DNAAF8: variants seen among roughly 807,000 people sequenced by gnomAD.
DNAAF8 encodes the protein dynein axonemal-associated protein 1.
A neutral mutation model predicts 54.6 loss-of-function variants in DNAAF8; 61 were observed. That is an observed-to-expected ratio of 1.12 (90% CI 0.91 to 1.38). The LOEUF (loss-of-function observed/expected upper bound fraction) is 1.38, where lower values mean the gene tolerates loss of function less well. DNAAF8 is among the 40% of genes most tolerant of loss of function. The pLI is 0.00. For missense variants in DNAAF8, 837 were observed against 665.0 expected (o/e 1.26, Z -2.85); for synonymous variants, 320 against 270.1 (o/e 1.18, Z -1.81).
chr16:4,747,440 G>A lies in DNAAF8; in HGVS notation c.1378G>A (p.Gly460Arg), dbSNP rs149468321. ...ELPASKGPAG[G>R]RAQAPEDTAG... ...GCCTGCCAGCAAGGGGCCCGCGGGT[G>A]GGAGGGCTCAGGCCCCTGAAGACAC... The change falls in exon 9 of 10, where the codon GGG (glycine) becomes AGG (arginine). Residue 460 changes from glycine (G) to arginine (R), a missense_variant. Transcript: ENST00000299320. The A allele has an allele frequency of 1.6e-4, 252 of 1,613,096 alleles. No individual in the cohort carries two copies. In the African/African-American group the frequency reaches 3.1e-3, roughly 20 times the overall value.
intron 7 of DNAAF8, 59 bp from the exon 8 acceptor site, chr16:4,746,868 C>G (rs930633421): frequency 8.4e-5 from 121 of 1,437,890 alleles, no homozygotes; most frequent in Non-Finnish European, 1.0e-4. Flanking sequence ...CAAGCCCCAA[C>G]AAGAGTTGGA....
intron 5 of DNAAF8, among the ~76,000 whole-genome samples, chr16:4,744,414 T>C (rs2081987104): frequency 6.6e-6 from 1 of 152,180 alleles, no homozygotes; most frequent in Non-Finnish European, 1.5e-5. Flanking sequence ...CTAGATCGTT[T>C]TAGCACAGAA....
intron 6 of DNAAF8, chr16:4,746,151 T>TA: frequency 4.1e-6 from 2 of 486,486 alleles, no homozygotes; most frequent in Middle Eastern, 1.1e-3. Flanking sequence ...TTACCACAGA[T>TA]AGAGAGCATG....
Position 4,747,043 on chromosome 16 carries a change from T to C in DNAAF8, c.1280+18T>C. ...GGGCTACGGTAACCACCCAGGGGCC[T>C]CTCGCCACCTGCAGATGTCCCACCT... On this transcript the variant is annotated intron_variant, in intron 8 of 9. Transcript: ENST00000299320. 6.6e-7 allele frequency: 1 copy of C among 1,510,888 alleles called. No homozygotes were observed. The highest frequency in any genetic ancestry group is 8.8e-7 in the Non-Finnish European group (1 of 1,133,642). The allele number at this position is 1,510,888 out of a possible 1,614,324, so 93.6% of individuals were successfully genotyped here.
At chr16:4,747,719 C>T (rs943376586) in intron 9 of DNAAF8, 85 bp downstream of exon 9, 4 of 1,420,376 alleles carry the variant, frequency 2.8e-6, no homozygotes, top group African/African-American at 2.9e-5. Context: ...TCCTGCATTT[C>T]CACTAGCAGG....
chr16:4,740,109 A>G, intron 3 of DNAAF8, 44 bp from the exon 4 acceptor site: 2 of 1,518,720 alleles, frequency 1.3e-6, no homozygotes, highest in South Asian at 1.3e-5. Flanking sequence ...TCCCTGAAGC[A>G]TGTTTTTGAG....
At chr16:4,737,604 A>G (rs2081912846) in intron 2 of DNAAF8, among the ~76,000 whole-genome samples, 196 bp from the exon 3 acceptor site, 1 of 152,162 alleles carries the variant, frequency 6.6e-6, no homozygotes, top group Non-Finnish European at 1.5e-5. Context: ...AACGGTGGCA[A>G]GAAGCCGCGC....
At chr16:4,739,641 C>T (rs2081938831) in intron 3 of DNAAF8, among the ~76,000 whole-genome samples, 2 of 151,182 alleles carry the variant, frequency 1.3e-5, no homozygotes, top group South Asian at 2.1e-4. Context: ...CTCCACCTCC[C>T]GGGCTGAAGC....
rs760986790 is a variant in DNAAF8 at position 4,740,276 on chromosome 16, A to T, written c.400A>T (p.Ser134Cys). 1.9e-6 allele frequency: 3 copies of T among 1,613,918 alleles called. No individual in the cohort carries two copies. Among genetic ancestry groups the T allele is most frequent in the Non-Finnish European group, 2.5e-6 (3 of 1,179,990 alleles). Residue 134 changes from serine to cysteine, a missense_variant, in exon 4 of 10, where the codon AGC becomes TGC. Coordinates refer to ENST00000299320, the MANE Select transcript of DNAAF8 (RefSeq NM_139170.3). ...GCCTTTTGAAAGCTCTGGTGAGGTC[A>T]GCGCTCTTCTTGGGATGGCCGAGGA... ...GRPFESSGEV[S>C]ALLGMAEEPP...
chr16:4,746,328 G>A (rs2082017153), intron 6 of DNAAF8, 47 bp from the exon 7 acceptor site: 1 of 1,572,154 alleles, frequency 6.4e-7, no homozygotes, highest in South Asian at 1.2e-5. Context: ...AGGTCACAGA[G>A]TTATCACAGA....
At chr16:4,743,016 C>T (rs749224118) in intron 4 of DNAAF8, 27 bp from the exon 5 acceptor site, 3 of 1,552,380 alleles carry the variant, frequency 1.9e-6, no homozygotes, top group South Asian at 2.2e-5. Context: ...TCAGCATCCT[C>T]ATAATCACTG....
chr16:4,734,873 G>T (rs976005723), intron 1 of DNAAF8, 175 bp downstream of exon 1: 3 of 152,192 alleles, frequency 2.0e-5, no homozygotes, highest in African/African-American at 7.2e-5. Flanking sequence ...CGGCAGCCTC[G>T]TGGCAGGCCG....
chr16:4,739,503 G>A (rs75351907), intron 3 of DNAAF8, among the ~76,000 whole-genome samples: 2,288 of 150,608 alleles, frequency 0.015, 64 homozygotes, highest in African/African-American at 0.052. Context: ...GGATGCCTCA[G>A]TGGTGCTGTC....
intron 3 of DNAAF8, among the ~76,000 whole-genome samples, chr16:4,739,548 CTTTT>C (rs869183831): frequency 1.5e-5 from 2 of 135,004 alleles, no homozygotes; most frequent in Admixed American, 7.5e-5. Flanking sequence ...AGCTTTCCAA[CTTTT>C]TTTTTTTTTT....
chr16:4,740,990 A>G (rs984213312), intron 4 of DNAAF8, among the ~76,000 whole-genome samples: 6 of 151,634 alleles, frequency 4.0e-5, no homozygotes, highest in African/African-American at 1.5e-4. Flanking sequence ...CCTGGTCAAC[A>G]CAGTGAGACC....
Position 4,740,569 on chromosome 16 carries a change from G to C in DNAAF8, c.693G>C (p.Lys231Asn), listed in dbSNP as rs765448870. The change falls in exon 4 of 10, where the codon AAG becomes AAC. Residue 231 changes from lysine to asparagine, a missense_variant. Lys to Asn is a moderately conservative substitution (Grantham distance 94). Coordinates refer to ENST00000299320, the MANE Select transcript of DNAAF8 (RefSeq NM_139170.3). Reference sequence around the variant, plus strand: ...CCAGCAGTGACAAAGGTGGGGTGAAGGAGGCGCCCTGCCACGCTGCGGAGT... The same window carrying C: ...CCAGCAGTGACAAAGGTGGGGTGAACGAGGCGCCCTGCCACGCTGCGGAGT... ...GPTSSDKGGV[K>N]EAPCHAAESA... 91 of 1,613,870 alleles carry C rather than the reference G, an allele frequency of 5.6e-5. No homozygotes were observed. Among genetic ancestry groups the C allele is most frequent in the Non-Finnish European group, 7.7e-5 (91 of 1,180,028 alleles).
intron 4 of DNAAF8, among the ~76,000 whole-genome samples, chr16:4,741,630 A>AT (rs2081962256): frequency 2.6e-5 from 4 of 151,812 alleles, no homozygotes; most frequent in Non-Finnish European, 5.9e-5. Flanking sequence ...TGAAACCGTG[A>AT]CTCTATTAAC....
At chr16:4,745,486 G>A (rs951540885) in intron 6 of DNAAF8, among the ~76,000 whole-genome samples, 2 of 152,222 alleles carry the variant, frequency 1.3e-5, no homozygotes, top group Non-Finnish European at 2.9e-5. Context: ...AGTGAAGCTG[G>A]GAGAGGCAGA....
rs545839502 is a variant in DNAAF8 at position 4,739,391 on chromosome 16, G to C, written c.277-762G>C. Among the ~76,000 whole-genome samples the C allele has an allele frequency of 4.7e-5, 7 of 148,526 alleles. No homozygotes were observed. In the East Asian group the frequency reaches 1.4e-3, roughly 30 times the overall value. ...GAAGGATGACTTGTACTCTAGCTTG[G>C]GGTATGAATTTCTGAGCCCCAACAT... is the stretch of plus-strand genomic sequence containing the variant. On this transcript the variant is annotated intron_variant, in intron 3 of 9. Coordinates refer to ENST00000299320, the MANE Select transcript of DNAAF8 (RefSeq NM_139170.3).
Sources: allele counts gnomAD v4.1 joint callset (sites outside exome capture counted in the v4.1 genomes callset), GRCh38; gene constraint gnomAD v4.1.1; transcripts MANE v1.5; gene names NCBI Gene and HGNC (gene_info 2026-07-23, HGNC 2026-07-21).